The following RBFOX2 variants were observed in gnomAD, a reference collection of about 807,000 sequenced individuals.
RBFOX2 encodes the protein RNA binding protein fox-1 homolog 2.
RBFOX2 carries 10 observed loss-of-function variants against 49.1 expected under a neutral mutation model. The ratio of observed to expected loss-of-function variants is 0.20; its 90% CI spans 0.13 to 0.35. RBFOX2 has a LOEUF of 0.35. Among genes scored for constraint, RBFOX2 ranks in the 10% least tolerant of loss-of-function variants. RBFOX2 has a pLI of 1.00. For missense variants in RBFOX2, 323 were observed against 486.9 expected (o/e 0.66, Z 3.17); for synonymous variants, 183 against 187.4 (o/e 0.98, Z 0.19).
chr22:35,788,190 TTAAC>T (rs1946820146), intron 2 of RBFOX2, among the ~76,000 whole-genome samples: 1 of 152,224 alleles, frequency 6.6e-6, no homozygotes, highest in Non-Finnish European at 1.5e-5. Context: ...TGGAAATATT[TTAAC>T]TATACATTGT....
intron 1 of RBFOX2, among the ~76,000 whole-genome samples, chr22:35,837,120 A>C (rs1277747645): frequency 6.6e-6 from 1 of 152,220 alleles, no homozygotes; most frequent in Non-Finnish European, 1.5e-5. Context: ...ACTTACTATA[A>C]ATGACAGAGT....
intron 2 of RBFOX2, among the ~76,000 whole-genome samples, chr22:35,801,038 A>G (rs187984642): frequency 1.3e-5 from 2 of 152,310 alleles, no homozygotes; most frequent in East Asian, 3.9e-4. Flanking sequence ...TTCTTTCACT[A>G]CGTTGAATAT....
At chr22:35,845,396 C>CA (rs200009101), upstream of RBFOX2, among the ~76,000 whole-genome samples, 1,602 of 128,478 alleles carry the variant, frequency 0.012, 7 homozygotes, top group Middle Eastern at 0.061. Context: ...ATTCACCATT[C>CA]AAAAAAAAAA....
intron 1 of RBFOX2, among the ~76,000 whole-genome samples, chr22:35,866,344 A>T (rs1019716997): frequency 1.3e-5 from 2 of 152,204 alleles, no homozygotes; most frequent in African/African-American, 2.4e-5. Flanking sequence ...TTGAAAGTGC[A>T]TACATTAATT....
chr22:35,739,406 C>G (rs1450748501), exon 12 of RBFOX2: 1 of 152,428 alleles, frequency 6.6e-6, no homozygotes, highest in Non-Finnish European at 1.5e-5. Context: ...GCAGCCCTAG[C>G]TTACGCGTGT....
chr22:35,934,134 G>A (rs2052770007), intron 1 of RBFOX2, among the ~76,000 whole-genome samples: 1 of 150,874 alleles, frequency 6.6e-6, no homozygotes, highest in Non-Finnish European at 1.5e-5. Context: ...CACCCAAATT[G>A]CTCTGAATGT....
intron 1 of RBFOX2, among the ~76,000 whole-genome samples, chr22:35,879,247 C>A (rs963097049): frequency 6.6e-6 from 1 of 152,128 alleles, no homozygotes; most frequent in Admixed American, 6.5e-5. Flanking sequence ...ATTCAACCAA[C>A]CATGAATGGG....
intron 1 of RBFOX2, among the ~76,000 whole-genome samples, chr22:35,871,202 A>G (rs1329013585): frequency 2.6e-5 from 4 of 152,234 alleles, no homozygotes; most frequent in African/African-American, 9.7e-5. Context: ...GTGCATAAAC[A>G]TGTTTCCAAG....
At chr22:35,791,316 T>C (rs1187942968) in intron 2 of RBFOX2, among the ~76,000 whole-genome samples, 1 of 149,932 alleles carries the variant, frequency 6.7e-6, no homozygotes, top group Non-Finnish European at 1.5e-5. Flanking sequence ...ACCCAGGAGA[T>C]GGAGGTTGCA....
chr22:35,791,637 A>G (rs1947683098), intron 2 of RBFOX2, among the ~76,000 whole-genome samples: 1 of 152,198 alleles, frequency 6.6e-6, no homozygotes, highest in Non-Finnish European at 1.5e-5. Context: ...CTATTAATCC[A>G]TTTCACAATT....
rs566468818 is a variant in RBFOX2, at chr22:35,739,872, G to C, written c.*4323C>G. The C allele has an allele frequency of 2.6e-5, 4 of 152,758 alleles. No individual in the cohort carries two copies. In the East Asian group the frequency reaches 7.7e-4, roughly 29 times the overall value. 9.5% of individuals were successfully genotyped at this position (152,758 alleles called of 1,614,324 possible). The stretch of plus-strand genomic sequence containing the variant: ...GGTGGCCTCCTAAAAGGCAAGGCTT[G>C]AGTTTTGGCTGATGAGCAGTTCTCT... On this transcript the variant is annotated 3_prime_UTR_variant, in exon 12 of 12. Transcript: ENST00000405409.
chr22:35,959,841 C>A (rs1256357387), intron 1 of RBFOX2, among the ~76,000 whole-genome samples: 1 of 152,164 alleles, frequency 6.6e-6, no homozygotes, highest in Non-Finnish European at 1.5e-5. Flanking sequence ...CTCTCAGACA[C>A]CAAAATCCAC....
chr22:35,790,974 C>G (rs544380681), intron 2 of RBFOX2, among the ~76,000 whole-genome samples: 101 of 152,116 alleles, frequency 6.6e-4, no homozygotes, highest in Admixed American at 1.1e-3. Flanking sequence ...TATCACTGCA[C>G]TCCTGCCTGG....
intron 1 of RBFOX2, among the ~76,000 whole-genome samples, chr22:35,932,724 T>C (rs565060920): frequency 6.6e-6 from 1 of 152,170 alleles, no homozygotes; most frequent in Non-Finnish European, 1.5e-5. Context: ...CTACTAAAAA[T>C]ACAAAAATTA....
At chr22:35,791,099 A>G (rs1947516360) in intron 2 of RBFOX2, among the ~76,000 whole-genome samples, 1 of 152,096 alleles carries the variant, frequency 6.6e-6, no homozygotes, top group Non-Finnish European at 1.5e-5. Flanking sequence ...AAAAGAAAAA[A>G]GTAGGCCTGG....
chr22:35,977,761 T>TAC (rs1556504286), intron 1 of RBFOX2, among the ~76,000 whole-genome samples: 1,269 of 90,886 alleles, frequency 0.014, 37 homozygotes, highest in Non-Finnish European at 0.02. Flanking sequence ...TATATATATA[T>TAC]ACATGCACAC....
chr22:35,752,378 G>T (rs908778686), intron 9 of RBFOX2, among the ~76,000 whole-genome samples: 1 of 152,332 alleles, frequency 6.6e-6, no homozygotes, highest in South Asian at 2.1e-4. Context: ...ACCTGGCTGG[G>T]ATATGTGTCA....
intron 1 of RBFOX2, among the ~76,000 whole-genome samples, chr22:35,876,235 A>T (rs1054389209): frequency 1.3e-5 from 2 of 151,716 alleles, no homozygotes; most frequent in South Asian, 4.2e-4. Context: ...AAATTTTTTT[A>T]TTTTTTTTGA....
chr22:35,933,951 T>TAC (rs1437407075), intron 1 of RBFOX2, among the ~76,000 whole-genome samples: 7 of 141,610 alleles, frequency 4.9e-5, no homozygotes, highest in African/African-American at 1.4e-4. Flanking sequence ...TATATATATA[T>TAC]ATACACACAT....
Sources: allele counts gnomAD v4.1 joint callset (sites outside exome capture counted in the v4.1 genomes callset), GRCh38; gene constraint gnomAD v4.1.1; transcripts MANE v1.5; gene names NCBI Gene and HGNC (gene_info 2026-07-23, HGNC 2026-07-21).